KLF8: variants seen among roughly 807,000 people sequenced by gnomAD.
KLF8 encodes KLF transcription factor 8.
A neutral mutation model predicts 18.2 loss-of-function variants in KLF8; 10 were observed. The observed-to-expected ratio is 0.55, with a 90% CI of 0.34 to 0.93. The LOEUF (loss-of-function observed/expected upper bound fraction) is 0.93. KLF8 is among the 40% of genes least tolerant of loss of function. The pLI is 0.02. For missense variants in KLF8, 264 were observed against 277.9 expected (o/e 0.95, Z 0.36); for synonymous variants, 109 against 97.3 (o/e 1.12, Z -0.71).
the KLF8 span, among the ~76,000 whole-genome samples, chrX:56,068,833 A>C: frequency 8.9e-6 from 1 of 111,929 alleles, no homozygotes; most frequent in African/African-American, 3.2e-5. Flanking sequence ...GGCAGAGTAC[A>C]TGACCCTGCC....
At chrX:56,211,063 G>A in the KLF8 span, among the ~76,000 whole-genome samples, 1 of 111,167 alleles carries the variant, frequency 9.0e-6, no homozygotes, top group Non-Finnish European at 1.9e-5. Flanking sequence ...GAGAAGTTAT[G>A]TTTTCCTATC....
the KLF8 span, among the ~76,000 whole-genome samples, chrX:56,187,206 A>T: frequency 3.6e-5 from 4 of 112,095 alleles, no homozygotes; most frequent in African/African-American, 1.3e-4. Flanking sequence ...CATCGATCCC[A>T]CAGAAATACA....
the KLF8 span, among the ~76,000 whole-genome samples, chrX:56,103,385 A>C: frequency 5.4e-5 from 6 of 111,013 alleles, no homozygotes; most frequent in Admixed American, 9.6e-5. Flanking sequence ...CTTTTATTTC[A>C]TTGAGCAGTG....
chrX:56,261,133 C>T (rs778037964), intron 2 of KLF8, among the ~76,000 whole-genome samples: 3 of 111,386 alleles, frequency 2.7e-5, no homozygotes, highest in Non-Finnish European at 5.7e-5. Flanking sequence ...TCCTAAGAAC[C>T]GAAAGGGTCT....
chrX:56,068,231 C>T, the KLF8 span, among the ~76,000 whole-genome samples: 1 of 111,889 alleles, frequency 8.9e-6, no homozygotes, highest in East Asian at 2.8e-4. Context: ...GGTGCCACTT[C>T]CTGTTGTCCT....
At chrX:56,265,993 A>G (rs761523390) in intron 3 of KLF8, 276 of 896,845 alleles carry the variant, frequency 3.1e-4, no homozygotes, top group Middle Eastern at 1.9e-3. Context: ...ACTTCCTGGA[A>G]CTTCCACATT....
chrX:56,174,409 C>T, the KLF8 span, among the ~76,000 whole-genome samples: 11 of 111,658 alleles, frequency 9.9e-5, no homozygotes, highest in African/African-American at 3.3e-4. Flanking sequence ...TATTAATTTT[C>T]GTATGTTGAA....
At chrX:56,230,552 C>A (rs2066392645), upstream of KLF8, among the ~76,000 whole-genome samples, 1 of 111,424 alleles carries the variant, frequency 9.0e-6, no homozygotes, top group Non-Finnish European at 1.9e-5. Flanking sequence ...GAAACCCCTA[C>A]TACAGGGACA....
the KLF8 span, among the ~76,000 whole-genome samples, chrX:56,051,025 G>T: frequency 4.6e-5 from 5 of 109,592 alleles, no homozygotes; most frequent in Non-Finnish European, 9.5e-5. Context: ...TTATGTAATG[G>T]CCTTCTTTGT....
At chrX:56,215,822 C>CAAAAAAAAAAAAAAAAAAAAAAAAAAAA in the KLF8 span, among the ~76,000 whole-genome samples, 1 of 31,390 alleles carries the variant, frequency 3.2e-5, no homozygotes, top group Non-Finnish European at 4.3e-5. Context: ...GACTCTGTCT[C>CAAAAAAAAAAAAAAAAAAAAAAAAAAAA]AAAAAAAAAA....
At chrX:56,056,588 G>A in the KLF8 span, among the ~76,000 whole-genome samples, 5 of 86,028 alleles carry the variant, frequency 5.8e-5, 1 homozygote, top group Admixed American at 7.3e-4. Flanking sequence ...TCATAGGTGG[G>A]AATTGAACAA....
At chrX:56,043,147 A>G in the KLF8 span, among the ~76,000 whole-genome samples, 26 of 111,243 alleles carry the variant, frequency 2.3e-4, no homozygotes, top group African/African-American at 7.5e-4. Flanking sequence ...ATTGGCCCCC[A>G]ATCTTTTCCA....
At chrX:56,169,991 AAG>A in the KLF8 span, among the ~76,000 whole-genome samples, 1 of 111,373 alleles carries the variant, frequency 9.0e-6, no homozygotes, top group Non-Finnish European at 1.9e-5. Context: ...GATCAGAACA[AAG>A]AGAGAGACTT....
At chrX:56,123,271 A>AAAAGAAAG in the KLF8 span, among the ~76,000 whole-genome samples, 3,679 of 91,280 alleles carry the variant, frequency 0.04, 68 homozygotes, top group Admixed American at 0.079. Context: ...GAAAGAAAGA[A>AAAAGAAAG]AAAGAAAGAA....
At chrX:56,164,259 C>T in the KLF8 span, among the ~76,000 whole-genome samples, 1 of 92,198 alleles carries the variant, frequency 1.1e-5, no homozygotes, top group African/African-American at 4.0e-5. Context: ...ATGCAGAAAG[C>T]ATGATAGTAA....
At chrX:56,194,344 C>G in the KLF8 span, among the ~76,000 whole-genome samples, 12 of 111,717 alleles carry the variant, frequency 1.1e-4, no homozygotes, top group Non-Finnish European at 2.3e-4. Context: ...CCTGGAAAAA[C>G]GGGACACTCC....
chrX:55,913,225 A>G, the KLF8 span, among the ~76,000 whole-genome samples: 1 of 111,214 alleles, frequency 9.0e-6, no homozygotes, highest in Admixed American at 9.6e-5. Context: ...AGGCTGTTAT[A>G]TCTGACCTAG....
chrX:56,187,708 G>A, the KLF8 span, among the ~76,000 whole-genome samples: 1 of 110,596 alleles, frequency 9.0e-6, no homozygotes, highest in African/African-American at 3.3e-5. Context: ...GGGATGCAAG[G>A]CTGATTCAAT....
the KLF8 span, among the ~76,000 whole-genome samples, chrX:56,091,769 A>G: frequency 1.8e-5 from 2 of 112,234 alleles, no homozygotes; most frequent in Non-Finnish European, 3.8e-5. Context: ...TGCTGGAATT[A>G]CAGGCATGAG....
Sources: allele counts gnomAD v4.1 joint callset (sites outside exome capture counted in the v4.1 genomes callset), GRCh38; gene constraint gnomAD v4.1.1; transcripts MANE v1.5; gene names NCBI Gene and HGNC (gene_info 2026-07-23, HGNC 2026-07-21).